The following COL4A4 variants were observed in gnomAD, a reference collection of about 807,000 sequenced individuals.
COL4A4 encodes collagen alpha-4(IV) chain.
COL4A4 carries 105 observed loss-of-function variants against 192.9 expected under a neutral mutation model. That is an observed-to-expected ratio of 0.54 (90% CI 0.46 to 0.64). COL4A4 has a LOEUF of 0.64. Ranked by LOEUF, COL4A4 falls within the 30% of genes least tolerant of loss-of-function variation. The pLI, the probability that COL4A4 is intolerant of heterozygous loss-of-function variation, is 0.00. For missense variants in COL4A4, 1,967 were observed against 2,169.3 expected (o/e 0.91, Z 1.85); for synonymous variants, 762 against 769.9 (o/e 0.99, Z 0.17).
rs2059272448 is a variant in COL4A4 at position 227,080,576 on chromosome 2, A to C, written c.1697-27T>G. The C allele has an allele frequency of 2.5e-6, 4 of 1,587,980 alleles. No individual in the cohort carries two copies. In the South Asian group the frequency reaches 3.3e-5, roughly 13 times the overall value. ...TGGAAATAGAGGTCAAAAGATATTCAAGCTCTTATCAGCAGAGGGTAAAGT... is the reference window on the plus strand; with the variant it reads ...TGGAAATAGAGGTCAAAAGATATTCCAGCTCTTATCAGCAGAGGGTAAAGT... On this transcript the variant is annotated intron_variant, in intron 23 of 47. Coordinates refer to ENST00000396625, the MANE Select transcript of COL4A4 (RefSeq NM_000092.5).
At chr2:227,141,172 G>A (rs2063183614) in intron 3 of COL4A4, among the ~76,000 whole-genome samples, 1 of 152,176 alleles carries the variant, frequency 6.6e-6, no homozygotes. Context: ...TAGGTGCTAG[G>A]ACCCAAGGGC....
the COL4A4 span, among the ~76,000 whole-genome samples, chr2:226,974,211 T>C: frequency 7.0e-6 from 1 of 143,398 alleles, no homozygotes; most frequent in Non-Finnish European, 1.5e-5. Flanking sequence ...GAGTGTTGTA[T>C]GGGTGTTGCC....
At chr2:226,997,136 T>C in the COL4A4 span, 1 of 152,250 alleles carries the variant, frequency 6.6e-6, no homozygotes, top group African/African-American at 2.4e-5. Context: ...GGGAGCTCTT[T>C]GGCCTCCTGG....
chr2:227,103,214 A>G lies in COL4A4; in HGVS notation c.817-17T>C, dbSNP rs767699574. On this transcript the variant is annotated splice_polypyrimidine_tract_variant and intron_variant, in intron 13 of 47. Coordinates refer to ENST00000396625, the MANE Select transcript of COL4A4 (RefSeq NM_000092.5). ...TTTTATACCCTAAAAATTACAATGA[A>G]TATAATTTGGTCTATTCTTATTATT... 4.4e-6 allele frequency: 7 copies of G among 1,599,232 alleles called. No individual in the cohort carries two copies. The highest frequency in any genetic ancestry group is 6.0e-6 in the Non-Finnish European group (7 of 1,167,586).
chr2:227,093,306 A>G (rs2060035650), intron 20 of COL4A4, among the ~76,000 whole-genome samples: 1 of 152,178 alleles, frequency 6.6e-6, no homozygotes, highest in African/African-American at 2.4e-5. Context: ...AAACAAAACA[A>G]AACAAAACAA....
At chr2:227,106,826 A>G (rs982397588) in intron 12 of COL4A4, among the ~76,000 whole-genome samples, 2 of 152,210 alleles carry the variant, frequency 1.3e-5, no homozygotes, top group African/African-American at 4.8e-5. Flanking sequence ...TCGGCCTCCC[A>G]AAGTACTGGG....
chr2:227,160,689 C>A (rs1199695342), intron 1 of COL4A4, among the ~76,000 whole-genome samples: 1 of 152,144 alleles, frequency 6.6e-6, no homozygotes, highest in African/African-American at 2.4e-5. Flanking sequence ...GCATAATTTG[C>A]AATTTTAATT....
In COL4A4 at chr2:227,121,109, G is replaced by A. The variant is rs762682812; in HGVS notation, c.232C>T (p.Pro78Ser). Reference sequence around the variant, plus strand: ...CCAATGGGTCCTGGGGCTCCCAGGGGTCCAATTGGACCCTGTGGCCCTGGT... The same window carrying A: ...CCAATGGGTCCTGGGGCTCCCAGGGATCCAATTGGACCCTGTGGCCCTGGT... ...GPPGPQGPIG[P>S]LGAPGPIGLS... is the part of the protein sequence containing the mutation. Residue 78 changes from proline (P) to serine (S), a missense_variant, in exon 5 of 48, where the codon CCC (proline) becomes TCC (serine). Physicochemically the swap from Pro to Ser is moderately conservative, Grantham distance 74. Transcript: ENST00000396625. 25 of 1,613,984 alleles carry A rather than the reference G, an allele frequency of 1.5e-5. No homozygotes were observed. Among genetic ancestry groups the A allele is most frequent in the Non-Finnish European group, 1.9e-5 (22 of 1,180,006 alleles).
rs769660371 is a variant in COL4A4 at position 227,007,325 on chromosome 2, C to G, written c.5073G>C (p.Ter1691TyrextTer24). The stretch of plus-strand genomic sequence containing the variant: ...CACGTGTTGGTGAATTTCGCATTCT[C>G]TAGCTATACTTCACGCAGACCTGGC... The part of the protein sequence containing the change: ...SRCQVCVKYS[*>Y] Residue 1691 changes from the stop codon to tyrosine (Y), a stop_lost, in exon 48 of 48, where the codon TAG becomes TAC. Coordinates refer to ENST00000396625, the MANE Select transcript of COL4A4 (RefSeq NM_000092.5). The G allele has an allele frequency of 7.4e-6, 12 of 1,614,222 alleles. No individual in the cohort carries two copies. Among genetic ancestry groups the G allele is most frequent in the East Asian group, 4.5e-5 (2 of 44,892 alleles).
rs1250913607 is a variant in COL4A4, at chr2:227,033,876, G to A, written c.3506-395C>T. Among the ~76,000 whole-genome samples the A allele has an allele frequency of 4.2e-5, 6 of 142,596 alleles. No individual in the cohort carries two copies. In the East Asian group the frequency reaches 1.2e-3, roughly 29 times the overall value. The allele number at this position is 142,596 out of a possible 152,430, so 93.5% of individuals were successfully genotyped here. ...CAGGCCTCACACCTCCCAGGCTTGG[G>A]GTCACTGCACCCTCCTAGGGGCTGC... On this transcript the variant is annotated intron_variant, in intron 37 of 47. Coordinates refer to ENST00000396625, the MANE Select transcript of COL4A4 (RefSeq NM_000092.5).
intron 25 of COL4A4, among the ~76,000 whole-genome samples, chr2:227,063,439 G>T (rs1173983264): frequency 6.6e-6 from 1 of 152,074 alleles, no homozygotes; most frequent in African/African-American, 2.4e-5. Context: ...TCTAGACCAT[G>T]AATTTATACC....
chr2:227,038,583 G>GT lies in COL4A4; in HGVS notation c.3505+3564dup, dbSNP rs1268887713. On this transcript the variant is annotated intron_variant, in intron 37 of 47. Coordinates refer to ENST00000396625, the MANE Select transcript of COL4A4 (RefSeq NM_000092.5). The stretch of plus-strand genomic sequence containing the variant: ...TTGGTTCCATTTGAAATTTAAAGTA[G>GT]TTTTTTGTAATTATGTGAAGAAAGT... Among the ~76,000 whole-genome samples the GT allele has an allele frequency of 1.7e-4, 26 of 152,264 alleles. No homozygotes were observed. In the East Asian group the frequency reaches 2.5e-3, roughly 15 times the overall value.
intron 41 of COL4A4, among the ~76,000 whole-genome samples, chr2:227,028,567 C>T (rs1277272221): frequency 6.6e-6 from 1 of 152,044 alleles, no homozygotes; most frequent in Non-Finnish European, 1.5e-5. Flanking sequence ...ATTCAGGACA[C>T]TTAACTGGAT....
chr2:227,020,880 C>CTTTTTTCTT (rs1553619615), intron 44 of COL4A4, among the ~76,000 whole-genome samples: 1 of 127,600 alleles, frequency 7.8e-6, no homozygotes, highest in African/African-American at 3.2e-5. Flanking sequence ...ACACTTTTTT[C>CTTTTTTCTT]TTTTTTTTTT....
intron 25 of COL4A4, among the ~76,000 whole-genome samples, chr2:227,068,192 C>T (rs1470861907): frequency 6.6e-6 from 1 of 150,648 alleles, no homozygotes; most frequent in Non-Finnish European, 1.5e-5. Flanking sequence ...TCTGAATAGA[C>T]CAATAACAGG....
chr2:227,082,204 A>T lies in COL4A4; in HGVS notation c.1624-17T>A. The T allele has an allele frequency of 6.2e-7, 1 of 1,607,764 alleles. No homozygotes were observed. The highest frequency in any genetic ancestry group is 8.5e-7 in the Non-Finnish European group (1 of 1,174,180). ...ATGCTTTCCCTTGGTGAAAAATAAG[A>T]GAAACAAATTAGGTTAATTGTGATG... On this transcript the variant is annotated splice_polypyrimidine_tract_variant and intron_variant, in intron 22 of 47. Coordinates refer to ENST00000396625, the MANE Select transcript of COL4A4 (RefSeq NM_000092.5).
At position 227,121,097 on chromosome 2, in the gene COL4A4, G is replaced by C. The variant is rs2125037204; in HGVS notation, c.244C>G (p.Pro82Ala). ...PQGPIGPLGA[P>A]GPIGLSGEKG... ...TCTCCTGAAAGCCCAATGGGTCCTG[G>C]GGCTCCCAGGGGTCCAATTGGACCC... The change falls in exon 5 of 48, where the codon CCA becomes GCA. Residue 82 changes from proline (P) to alanine (A), a missense_variant. Transcript: ENST00000396625. 6.2e-7 allele frequency: 1 copy of C among 1,614,120 alleles called. No homozygotes were observed. Among genetic ancestry groups the C allele is most frequent in the East Asian group, 2.2e-5 (1 of 44,878 alleles).
At chr2:227,157,594 TA>T (rs1219918971) in intron 1 of COL4A4, among the ~76,000 whole-genome samples, 2 of 151,968 alleles carry the variant, frequency 1.3e-5, no homozygotes, top group East Asian at 3.8e-4. Context: ...CAAAGGGGAT[TA>T]AAAAGATAAT....
At chr2:227,129,737 C>T (rs1160383907) in intron 4 of COL4A4, among the ~76,000 whole-genome samples, 1 of 152,134 alleles carries the variant, frequency 6.6e-6, no homozygotes, top group Non-Finnish European at 1.5e-5. Context: ...GCCAGGGATT[C>T]ATGAACGTTT....
Sources: allele counts gnomAD v4.1 joint callset (sites outside exome capture counted in the v4.1 genomes callset), GRCh38; gene constraint gnomAD v4.1.1; transcripts MANE v1.5; gene names NCBI Gene and HGNC (gene_info 2026-07-23, HGNC 2026-07-21).